The following PRKG2 variants were observed in gnomAD, a reference collection of about 807,000 sequenced individuals.
PRKG2 encodes protein kinase cGMP-dependent 2.
A neutral mutation model predicts 97.2 loss-of-function variants in PRKG2; 33 were observed. The observed-to-expected ratio is 0.34, with a 90% CI of 0.26 to 0.45. The LOEUF (loss-of-function observed/expected upper bound fraction) is 0.45, where lower values mean the gene tolerates loss of function less well. Ranked by LOEUF, PRKG2 falls within the 20% of genes least tolerant of loss-of-function variation. The pLI, the probability that PRKG2 is intolerant of heterozygous loss-of-function variation, is 1.00. For missense variants in PRKG2, 638 were observed against 900.0 expected (o/e 0.71, Z 3.73); for synonymous variants, 330 against 321.8 (o/e 1.03, Z -0.27).
chr4:81,126,759 T>G (rs1252307925), intron 14 of PRKG2, among the ~76,000 whole-genome samples: 1 of 152,202 alleles, frequency 6.6e-6, no homozygotes, highest in Non-Finnish European at 1.5e-5. Context: ...TCTTGTAGAT[T>G]CTGGATATTA....
chr4:81,104,093 G>C (rs948952191), intron 17 of PRKG2, among the ~76,000 whole-genome samples: 2 of 151,990 alleles, frequency 1.3e-5, no homozygotes, highest in African/African-American at 4.8e-5. Flanking sequence ...GACAGAAGTG[G>C]ATAAAAAGTT....
chr4:81,092,093 T>C lies in PRKG2; in HGVS notation c.2193+293A>G, dbSNP rs376333568. 5.3e-5 allele frequency among the ~76,000 whole-genome samples: 8 copies of C among 152,128 alleles called. No homozygotes were observed. In the East Asian group the frequency reaches 1.2e-3, roughly 22 times the overall value. ...TCTTAAGTTACATACATTGTTCACA[T>C]CAAATTTATACAGTCATTTGTCAGC... On this transcript the variant is annotated intron_variant, in intron 18 of 18. Transcript: ENST00000264399.
In PRKG2 at chr4:81,187,830, C is replaced by G. The variant is rs182575774; in HGVS notation, c.462-12871G>C. On this transcript the variant is annotated intron_variant, in intron 2 of 18. Coordinates refer to ENST00000264399, the MANE Select transcript of PRKG2 (RefSeq NM_006259.3). ...TTCCTATACACCAATAACAGACAAA[C>G]AGAACTGGATCCCTTCCTTACACCT... Among the ~76,000 whole-genome samples the G allele has an allele frequency of 2.4e-3, 372 of 152,056 alleles. 1 individual carries two copies. Among genetic ancestry groups the G allele is most frequent in the Middle Eastern group, 0.014 (4 of 294 alleles).
chr4:81,105,513 T>G (rs1407599701), intron 16 of PRKG2, among the ~76,000 whole-genome samples: 2 of 152,196 alleles, frequency 1.3e-5, no homozygotes. Flanking sequence ...TACTCCTTTT[T>G]TAGCCTAAGG....
At position 81,191,388 on chromosome 4, in the gene PRKG2, G is replaced by T. The variant is rs143209957; in HGVS notation, c.461+13199C>A. 8.0e-3 allele frequency among the ~76,000 whole-genome samples: 1,221 copies of T among 152,032 alleles called. 12 individuals carry two copies. Among genetic ancestry groups the T allele is most frequent in the Admixed American group, 0.035 (527 of 15,250 alleles). Reference sequence around the variant, plus strand: ...CATAAGTGGGAGATGAACAATGAGAGCACATGGACTCAGGGAGGGGAACAT... The same window carrying T: ...CATAAGTGGGAGATGAACAATGAGATCACATGGACTCAGGGAGGGGAACAT... On this transcript the variant is annotated intron_variant, in intron 2 of 18. Coordinates refer to ENST00000264399, the MANE Select transcript of PRKG2 (RefSeq NM_006259.3).
intron 2 of PRKG2, among the ~76,000 whole-genome samples, chr4:81,181,956 A>G (rs1457836617): frequency 1.3e-5 from 2 of 151,970 alleles, no homozygotes; most frequent in African/African-American, 4.8e-5. Context: ...GATTAGCAAT[A>G]AAGAAACTAA....
At chr4:81,107,925 C>T (rs2109975569) in intron 15 of PRKG2, among the ~76,000 whole-genome samples, 1 of 152,252 alleles carries the variant, frequency 6.6e-6, no homozygotes, top group African/African-American at 2.4e-5. Flanking sequence ...ACTTTCGAGG[C>T]CGGGCATGGT....
chr4:81,089,559 C>A lies in PRKG2; in HGVS notation c.*149G>T. ...CTATAACTCAGAACCATATCCACAC[C>A]ATTCTCCTCTTCCCATTGTGCAGGA... On this transcript the variant is annotated 3_prime_UTR_variant, in exon 19 of 19. Transcript: ENST00000264399. The A allele has an allele frequency of 1.7e-6, 1 of 583,940 alleles. No homozygotes were observed. 36.2% of individuals were successfully genotyped at this position (583,940 alleles called of 1,614,324 possible).
At position 81,204,769 on chromosome 4, in the gene PRKG2, C is replaced by A; in HGVS notation, c.279G>T (p.Pro93=). Residue 93 remains proline (P), a synonymous_variant, in exon 2 of 19, where the codon CCG becomes CCT. Transcript: ENST00000264399. The part of the protein sequence containing the change: ...QDVVHMQGGS[P]LQASPDKVPL... ...GCACTTTATCTGGAGAGGCCTGAAG[C>A]GGGCTTCCTCCCTGCATATGCACCA... is the stretch of plus-strand genomic sequence containing the variant. 6.2e-7 allele frequency: 1 copy of A among 1,614,180 alleles called. No homozygotes were observed. The highest frequency in any genetic ancestry group is 1.1e-5 in the South Asian group (1 of 91,074).
chr4:81,184,761 T>G (rs1189586342), intron 2 of PRKG2, among the ~76,000 whole-genome samples: 1 of 152,148 alleles, frequency 6.6e-6, no homozygotes, highest in East Asian at 1.9e-4. Context: ...TTAGAGGAAT[T>G]GCTAACTAGA....
At chr4:81,189,066 T>TAAAAAAAAAAAAA in intron 2 of PRKG2, among the ~76,000 whole-genome samples, 871 of 17,022 alleles carry the variant, frequency 0.051, 57 homozygotes, top group East Asian at 0.071. Context: ...AAAAAAATAA[T>TAAAAAAAAAAAAA]AAAAAAAAAA....
intron 6 of PRKG2, among the ~76,000 whole-genome samples, chr4:81,155,309 C>A (rs1396117402): frequency 1.3e-5 from 2 of 151,722 alleles, no homozygotes; most frequent in African/African-American, 2.4e-5. Context: ...CCGATGCGAT[C>A]AGCTGGAAGA....
rs761789084 is a variant in PRKG2, at chr4:81,140,582, A to G, written c.1495T>C (p.Tyr499His). ...IVDTKQQEHV[Y>H]SEKRILEELC... Reference sequence around the variant, plus strand: ...TCCTCTAGGATCCTCTTCTCTGAGTAGACATGCTCCTGCTGCTTGGTGTCA... The same window carrying G: ...TCCTCTAGGATCCTCTTCTCTGAGTGGACATGCTCCTGCTGCTTGGTGTCA... The change falls in exon 12 of 19, where the codon TAC (tyrosine) becomes CAC (histidine). Residue 499 changes from tyrosine (Y) to histidine (H), a missense_variant. Transcript: ENST00000264399. 49 of 1,612,758 alleles carry G rather than the reference A, an allele frequency of 3.0e-5. No homozygotes were observed. Among genetic ancestry groups the G allele is most frequent in the Non-Finnish European group, 3.8e-5 (45 of 1,179,054 alleles).
intron 2 of PRKG2, among the ~76,000 whole-genome samples, chr4:81,203,180 A>G (rs41332544): frequency 0.016 from 2,447 of 152,190 alleles, 66 homozygotes; most frequent in African/African-American, 0.056. Context: ...TGTGCCATCT[A>G]TAATTTCAGA....
intron 1 of PRKG2, among the ~76,000 whole-genome samples, chr4:81,205,977 T>C (rs1336926182): frequency 6.6e-6 from 1 of 152,240 alleles, no homozygotes; most frequent in East Asian, 1.9e-4. Flanking sequence ...TTTTAACATG[T>C]ATTTGAAATA....
intron 6 of PRKG2, among the ~76,000 whole-genome samples, chr4:81,160,032 C>T (rs958814419): frequency 7.3e-5 from 11 of 151,636 alleles, no homozygotes; most frequent in Non-Finnish European, 1.3e-4. Flanking sequence ...GTGGGTGCAG[C>T]GCACCAGCAT....
chr4:81,152,097 A>G, intron 7 of PRKG2, 43 bp from the exon 8 acceptor site: 1 of 1,463,438 alleles, frequency 6.8e-7, no homozygotes, highest in East Asian at 2.3e-5. Context: ...GACTGAAGAA[A>G]AAGGAGAATC....
chr4:81,171,163 C>T (rs1201570782), intron 4 of PRKG2, among the ~76,000 whole-genome samples: 3 of 151,602 alleles, frequency 2.0e-5, no homozygotes, highest in Non-Finnish European at 1.5e-5. Context: ...TGCTCTCCCT[C>T]CCCCACCCCT....
At chr4:81,212,162 G>T (rs150973250) in intron 1 of PRKG2, among the ~76,000 whole-genome samples, 1 of 152,066 alleles carries the variant, frequency 6.6e-6, no homozygotes, top group Non-Finnish European at 1.5e-5. Flanking sequence ...GGAATCTACT[G>T]CTTGTTTTCT....
Sources: allele counts gnomAD v4.1 joint callset (sites outside exome capture counted in the v4.1 genomes callset), GRCh38; gene constraint gnomAD v4.1.1; transcripts MANE v1.5; gene names NCBI Gene and HGNC (gene_info 2026-07-23, HGNC 2026-07-21).